Variants in NCOR1 observed in about 807,000 individuals in gnomAD.
The protein encoded by NCOR1 is protein phosphatase 1, regulatory subunit 109.
NCOR1 carries 63 observed loss-of-function variants against 288.1 expected under a neutral mutation model. The ratio of observed to expected loss-of-function variants is 0.22; its 90% CI spans 0.18 to 0.27. The LOEUF (loss-of-function observed/expected upper bound fraction) is 0.27. Ranked by LOEUF, NCOR1 falls within the 10% of genes least tolerant of loss-of-function variation. The pLI is 1.00. For missense variants in NCOR1, 2,397 were observed against 3,019.2 expected (o/e 0.79, Z 4.83); for synonymous variants, 1,007 against 1,065.9 (o/e 0.94, Z 1.08).
intron 22 of NCOR1, among the ~76,000 whole-genome samples, chr17:16,091,060 A>ACCC (rs952202476): frequency 6.6e-6 from 1 of 152,038 alleles, no homozygotes; most frequent in African/African-American, 2.4e-5. Context: ...CATAAAAACC[A>ACCC]CCCCTTTCTT....
rs779417352 is a variant in NCOR1, at chr17:16,048,850, C to T, written c.6531G>A (p.Glu2177=). Residue 2177 remains glutamate (E), a synonymous_variant, in exon 41 of 46, where the codon GAG becomes GAA. Transcript: ENST00000268712. ...LLSQRGAEPA[E]QRNDARSPGS... ...TCACTAGGAAGCACACTTACCTCTG[C>T]TCTGCAGGCTCTGCGCCCCTCTGAG... The T allele has an allele frequency of 1.5e-5, 24 of 1,610,296 alleles. No individual in the cohort carries two copies. Among genetic ancestry groups the T allele is most frequent in the Non-Finnish European group, 1.8e-5 (21 of 1,177,570 alleles).
At chr17:16,034,438 T>A (rs1484292026) in intron 45 of NCOR1, among the ~76,000 whole-genome samples, 5 of 151,818 alleles carry the variant, frequency 3.3e-5, no homozygotes, top group Non-Finnish European at 7.4e-5. Context: ...AAAATAAAAA[T>A]TAAAATGAAA....
chr17:16,215,418 G>A lies in NCOR1; in HGVS notation c.-127C>T. ...CGCCCCGGCCTGAGGAGTGGGACGC[G>A]GCCACGGCGCGCGGCCCTACACCGG... On this transcript the variant is annotated 5_prime_UTR_variant, in exon 1 of 46. Coordinates refer to ENST00000268712, the MANE Select transcript of NCOR1 (RefSeq NM_006311.4). The A allele has an allele frequency of 2.5e-6, 1 of 396,324 alleles. No homozygotes were observed. The highest frequency in any genetic ancestry group is 4.5e-6 in the Non-Finnish European group (1 of 224,496). The allele number at this position is 396,324 out of a possible 1,614,324, so 24.6% of individuals were successfully genotyped here.
Position 16,103,772 on chromosome 17 carries a change from T to C in NCOR1, c.2183-2015A>G, listed in dbSNP as rs576714274. Reference sequence around the variant, plus strand: ...GGCTCACGCCTGTAATCCCAGCACTTTGGGAGGCCGAGGTGGATGGATCAC... The same window carrying C: ...GGCTCACGCCTGTAATCCCAGCACTCTGGGAGGCCGAGGTGGATGGATCAC... On this transcript the variant is annotated intron_variant, in intron 19 of 45. Transcript: ENST00000268712. Among the ~76,000 whole-genome samples, 316 of 152,388 alleles carry C rather than the reference T, an allele frequency of 2.1e-3. 2 individuals carry two copies. The highest frequency in any genetic ancestry group is 7.2e-3 in the African/African-American group (301 of 41,588).
intron 14 of NCOR1, among the ~76,000 whole-genome samples, chr17:16,135,272 G>A (rs2076235573): frequency 2.0e-5 from 3 of 152,078 alleles, no homozygotes; most frequent in Admixed American, 1.3e-4. Context: ...ATTCTTTAGG[G>A]GAAGCAGGAA....
At chr17:16,199,738 T>C (rs1471256242) in intron 1 of NCOR1, among the ~76,000 whole-genome samples, 1 of 152,224 alleles carries the variant, frequency 6.6e-6, no homozygotes, top group Non-Finnish European at 1.5e-5. Flanking sequence ...CATGGTTGAC[T>C]CATGAACTGA....
At chr17:16,205,162 G>A (rs2091334022) in intron 1 of NCOR1, among the ~76,000 whole-genome samples, 2 of 151,940 alleles carry the variant, frequency 1.3e-5, no homozygotes, top group African/African-American at 4.8e-5. Context: ...AGAGATTGAG[G>A]TGAGCTGAAA....
chr17:16,080,643 G>C lies in NCOR1; in HGVS notation c.3262C>G (p.Leu1088Val), dbSNP rs916142118. 24 of 1,614,130 alleles carry C rather than the reference G, an allele frequency of 1.5e-5. No individual in the cohort carries two copies. Among genetic ancestry groups the C allele is most frequent in the Non-Finnish European group, 2.0e-5 (24 of 1,180,012 alleles). Residue 1088 changes from leucine to valine, a missense_variant, in exon 24 of 46, where the codon CTT (leucine) becomes GTT (valine). Physicochemically the swap from Leu to Val is conservative, Grantham distance 32. Around this residue, in one of 11 missense-constraint regions of NCOR1, gnomAD observed 1,872 missense variants for 2,187.8 expected, o/e 0.86. Transcript: ENST00000268712. The stretch of plus-strand genomic sequence containing the variant: ...GATTCCTGTTGCCGTGGCAGTCCAA[G>C]AGAGATAGATCCCACTGACGGCTTG... Reference protein sequence around the residue: ...TPKPSVGSISLGLPRQQESAK... With the variant: ...TPKPSVGSISVGLPRQQESAK...
chr17:16,038,777 A>G (rs544519296), intron 44 of NCOR1, among the ~76,000 whole-genome samples: 17 of 150,060 alleles, frequency 1.1e-4, no homozygotes, highest in African/African-American at 4.2e-4. Context: ...GTGTCTGTGT[A>G]TGTATGTATT....
At chr17:16,042,484 C>T (rs930132004) in intron 42 of NCOR1, among the ~76,000 whole-genome samples, 2 of 152,222 alleles carry the variant, frequency 1.3e-5, no homozygotes, top group Non-Finnish European at 2.9e-5. Flanking sequence ...GTGGTACTTG[C>T]TAAGGCCATA....
intron 1 of NCOR1, among the ~76,000 whole-genome samples, chr17:16,210,890 C>T (rs941133802): frequency 2.6e-5 from 4 of 152,070 alleles, no homozygotes; most frequent in African/African-American, 7.2e-5. Flanking sequence ...CCATCATGCC[C>T]GGCTAATTTT....
chr17:16,146,900 T>C (rs1238811053), intron 9 of NCOR1, among the ~76,000 whole-genome samples: 2 of 152,226 alleles, frequency 1.3e-5, no homozygotes, highest in East Asian at 1.9e-4. Flanking sequence ...AATACAAACA[T>C]GTAAATAGTT....
intron 15 of NCOR1, among the ~76,000 whole-genome samples, chr17:16,121,928 C>G (rs1176452146): frequency 6.6e-6 from 1 of 152,168 alleles, no homozygotes; most frequent in East Asian, 1.9e-4. Context: ...AGCTGCCTCA[C>G]CCCCATGGGC....
At chr17:16,128,596 G>C (rs1239399964) in intron 14 of NCOR1, among the ~76,000 whole-genome samples, 1 of 152,182 alleles carries the variant, frequency 6.6e-6, no homozygotes, top group East Asian at 1.9e-4. Flanking sequence ...CCAGTTATCT[G>C]AAAAGTTTTT....
At chr17:16,091,519 A>C (rs1046893538) in intron 22 of NCOR1, 7 of 1,063,538 alleles carry the variant, frequency 6.6e-6, no homozygotes, top group Non-Finnish European at 8.2e-6. Context: ...TAATACTTGA[A>C]GGTGATTTGC....
chr17:16,048,193 C>G lies in NCOR1; in HGVS notation c.6536+652G>C, dbSNP rs556275727. Among the ~76,000 whole-genome samples the G allele has an allele frequency of 4.8e-4, 73 of 152,234 alleles. 1 individual carries two copies. Among genetic ancestry groups the G allele is most frequent in the African/African-American group, 1.7e-3 (69 of 41,516 alleles). On this transcript the variant is annotated intron_variant, in intron 41 of 45. Transcript: ENST00000268712. ...AGGGTTCAGCACTAGGCAAACTGCACGACTATGGACAGAAAGGAATTCAGG... is the reference window on the plus strand; with the variant it reads ...AGGGTTCAGCACTAGGCAAACTGCAGGACTATGGACAGAAAGGAATTCAGG...
At chr17:16,042,862 G>A (rs1049352590) in intron 42 of NCOR1, among the ~76,000 whole-genome samples, 2 of 152,202 alleles carry the variant, frequency 1.3e-5, no homozygotes, top group African/African-American at 4.8e-5. Context: ...GCAAAGATAT[G>A]TAAGTAGAGC....
At chr17:16,142,469 A>G (rs1228709624) in intron 11 of NCOR1, among the ~76,000 whole-genome samples, 2 of 152,256 alleles carry the variant, frequency 1.3e-5, no homozygotes, top group Non-Finnish European at 2.9e-5. Context: ...AAAACTAGCA[A>G]AACTCAGTCA....
chr17:16,129,774 G>A (rs1006235746), intron 14 of NCOR1, among the ~76,000 whole-genome samples: 6 of 152,154 alleles, frequency 3.9e-5, no homozygotes, highest in Non-Finnish European at 8.8e-5. Flanking sequence ...AAGATACGAC[G>A]GGGACATGTC....
Sources: allele counts gnomAD v4.1 joint callset (sites outside exome capture counted in the v4.1 genomes callset), GRCh38; gene constraint gnomAD v4.1.1; regional missense constraint gnomAD v4.1.1; transcripts MANE v1.5; gene names NCBI Gene and HGNC (gene_info 2026-07-23, HGNC 2026-07-21).